DAOA: variants seen among roughly 807,000 people sequenced by gnomAD.
The protein encoded by DAOA is D-amino acid oxidase regulator.
Under a neutral mutation model 16.4 loss-of-function variants are expected in DAOA, and 15 were observed. The ratio of observed to expected loss-of-function variants is 0.91; its 90% CI spans 0.61 to 1.41. The LOEUF (loss-of-function observed/expected upper bound fraction) is 1.41. Ranked by LOEUF, DAOA falls within the 40% of genes most tolerant of loss-of-function variation. The probability of loss-of-function intolerance (pLI) is 0.00; values close to 1 mark genes in which losing one functional copy is unlikely to be tolerated. For synonymous variants in DAOA, 75 were observed against 59.1 expected (o/e 1.27, Z -1.23); for missense variants, 230 against 176.8 (o/e 1.30, Z -1.71).
rs1443538188 is a variant in DAOA at position 105,490,935 on chromosome 13, C to A, written c.*135C>A. ...AGGTGATGGGATTGTATTTGCAACT[C>A]TCTGGTCAGTAAGTGATAAAATGCC... On this transcript the variant is annotated 3_prime_UTR_variant, in exon 6 of 6. Transcript: ENST00000375936. 1 of 152,022 alleles carries A rather than the reference C, an allele frequency of 6.6e-6. No homozygotes were observed. The highest frequency in any genetic ancestry group is 1.5e-5 in the Non-Finnish European group (1 of 67,992). The allele number at this position is 152,022 out of a possible 1,614,324, so 9.4% of individuals were successfully genotyped here. A position where few individuals can be genotyped will look rare whatever the true frequency, so the allele number is the denominator to read the frequency against.
At chr13:105,469,268 G>A (rs904519964) in intron 3 of DAOA, among the ~76,000 whole-genome samples, 1 of 152,172 alleles carries the variant, frequency 6.6e-6, no homozygotes, top group Non-Finnish European at 1.5e-5. Flanking sequence ...ACCTAGGTGT[G>A]TACCGTTAGT....
In DAOA at chr13:105,472,856, T is replaced by A. The variant is rs573056695; in HGVS notation, c.281+171T>A. On this transcript the variant is annotated intron_variant, in intron 4 of 5. Transcript: ENST00000375936. ...TTACATAGGAACCATTTTAACACTT[T>A]TTTAAAAGTATCCACTGGCTTCTTC... is the stretch of plus-strand genomic sequence containing the variant. Among the ~76,000 whole-genome samples, 6 of 152,326 alleles carry A rather than the reference T, an allele frequency of 3.9e-5. No homozygotes were observed. In the East Asian group the frequency reaches 9.6e-4, roughly 24 times the overall value.
intron 4 of DAOA, among the ~76,000 whole-genome samples, chr13:105,478,140 G>A (rs1205078876): frequency 2.0e-5 from 3 of 152,156 alleles, no homozygotes; most frequent in Admixed American, 2.0e-4. Flanking sequence ...ATTTTAAGCT[G>A]AGTTTTCTTA....
intron 3 of DAOA, among the ~76,000 whole-genome samples, chr13:105,472,016 T>C (rs902761837): frequency 2.6e-5 from 4 of 152,132 alleles, no homozygotes; most frequent in African/African-American, 9.7e-5. Context: ...ACTCATAAAA[T>C]ACTAATACAA....
intron 3 of DAOA, among the ~76,000 whole-genome samples, chr13:105,471,023 T>C (rs550081595): frequency 6.6e-6 from 1 of 152,106 alleles, no homozygotes; most frequent in South Asian, 2.1e-4. Context: ...CTCCTGACCT[T>C]GTGATCCGCC....
At chr13:105,481,189 T>C (rs1401393014) in intron 4 of DAOA, among the ~76,000 whole-genome samples, 1 of 152,168 alleles carries the variant, frequency 6.6e-6, no homozygotes, top group Non-Finnish European at 1.5e-5. Flanking sequence ...TGCTTTATAA[T>C]AGCAATAGTC....
chr13:105,466,974 A>G, intron 2 of DAOA, 79 bp from the exon 3 acceptor site: 2 of 1,513,880 alleles, frequency 1.3e-6, no homozygotes, highest in Non-Finnish European at 8.8e-7. Context: ...TATATGCTCC[A>G]TTGATGTTGC....
rs1402189541 is a variant in DAOA at position 105,472,732 on chromosome 13, T to C, written c.281+47T>C. 4 of 1,552,868 alleles carry C rather than the reference T, an allele frequency of 2.6e-6. No homozygotes were observed. In the African/African-American group the frequency reaches 4.1e-5, roughly 16 times the overall value. On this transcript the variant is annotated intron_variant, in intron 4 of 5. Transcript: ENST00000375936. ...AACTTTTAACCAGGAGAAAGCTAAA[T>C]GCTAATGTTGGAACTTACGAAAGCA... is the stretch of plus-strand genomic sequence containing the variant.
At chr13:105,466,534 CAT>C in intron 2 of DAOA, 1 of 795,290 alleles carries the variant, frequency 1.3e-6, no homozygotes, top group African/African-American at 1.7e-5. Flanking sequence ...AAGGATCACT[CAT>C]GTTAATGAGG....
chr13:105,481,845 C>T (rs572061275), intron 4 of DAOA, among the ~76,000 whole-genome samples: 1 of 152,170 alleles, frequency 6.6e-6, no homozygotes, highest in Non-Finnish European at 1.5e-5. Flanking sequence ...CCTCTCTTCC[C>T]TTAGAAGACA....
At position 105,475,041 on chromosome 13, in the gene DAOA, G is replaced by A. The variant is rs1050709420; in HGVS notation, c.281+2356G>A. On this transcript the variant is annotated intron_variant, in intron 4 of 5. Coordinates refer to ENST00000375936, the MANE Select transcript of DAOA (RefSeq NM_172370.5). ...TTTTAAAAGAATTTCTCAGATATTT[G>A]CTGGGCACTTTATGGAAGGAGACAC... The A allele has an allele frequency of 4.1e-6, 4 of 985,528 alleles. No homozygotes were observed. In the African/African-American group the frequency reaches 5.2e-5, roughly 13 times the overall value. The allele number at this position is 985,528 out of a possible 1,614,324, so 61.0% of individuals were successfully genotyped here.
chr13:105,473,691 A>G (rs1051702347), intron 4 of DAOA, among the ~76,000 whole-genome samples: 1 of 152,152 alleles, frequency 6.6e-6, no homozygotes, highest in Non-Finnish European at 1.5e-5. Flanking sequence ...GAGTAATTCC[A>G]CAGTGATTTT....
At position 105,467,103 on chromosome 13, in the gene DAOA, T is replaced by C; in HGVS notation, c.95T>C (p.Ile32Thr). ...TACTTCATAGGTTTTCAAAGGAGCA[T>C]TCTTCTGAGCAAATCTGAAAACTCT... ...KIYFIGFQRS[I>T]LLSKSENSLN... Residue 32 changes from isoleucine to threonine, a missense_variant, in exon 3 of 6, where the codon ATT becomes ACT. Ile to Thr is a moderately conservative substitution (Grantham distance 89). Coordinates refer to ENST00000375936, the MANE Select transcript of DAOA (RefSeq NM_172370.5). 6.2e-7 allele frequency: 1 copy of C among 1,610,964 alleles called. No individual in the cohort carries two copies. Among genetic ancestry groups the C allele is most frequent in the East Asian group, 2.2e-5 (1 of 44,668 alleles).
At chr13:105,486,975 T>C (rs1165857131) in intron 4 of DAOA, among the ~76,000 whole-genome samples, 3 of 152,066 alleles carry the variant, frequency 2.0e-5, no homozygotes, top group Admixed American at 2.0e-4. Context: ...CCCTCTCCAT[T>C]ACAGGTCTAC....
At chr13:105,478,478 A>C (rs993634659) in intron 4 of DAOA, among the ~76,000 whole-genome samples, 102 of 152,304 alleles carry the variant, frequency 6.7e-4, no homozygotes, top group African/African-American at 2.4e-3. Flanking sequence ...GGGCTTATAT[A>C]AAATTCCAAA....
intron 4 of DAOA, among the ~76,000 whole-genome samples, chr13:105,485,463 A>G (rs1157148439): frequency 1.3e-5 from 2 of 152,172 alleles, no homozygotes; most frequent in Non-Finnish European, 2.9e-5. Flanking sequence ...GTCTACCACC[A>G]AAAATATATT....
chr13:105,468,595 T>C (rs916881162), intron 3 of DAOA, among the ~76,000 whole-genome samples: 10 of 152,344 alleles, frequency 6.6e-5, no homozygotes, highest in African/African-American at 1.9e-4. Flanking sequence ...TAGCTGAGAG[T>C]GACAGATATG....
chr13:105,476,955 T>C (rs1023164495), intron 4 of DAOA, among the ~76,000 whole-genome samples: 1 of 152,072 alleles, frequency 6.6e-6, no homozygotes, highest in South Asian at 2.1e-4. Flanking sequence ...CAGCTTACAG[T>C]TATCTCTGTA....
intron 4 of DAOA, among the ~76,000 whole-genome samples, chr13:105,488,392 T>A (rs1878279222): frequency 6.6e-6 from 1 of 152,240 alleles, no homozygotes; most frequent in Non-Finnish European, 1.5e-5. Flanking sequence ...CATCCCGTTC[T>A]GATTTTATAA....
Sources: allele counts gnomAD v4.1 joint callset (sites outside exome capture counted in the v4.1 genomes callset), GRCh38; gene constraint gnomAD v4.1.1; transcripts MANE v1.5; gene names NCBI Gene and HGNC (gene_info 2026-07-23, HGNC 2026-07-21).